Variants in GPC5 observed in about 807,000 individuals in gnomAD.
GPC5 encodes glypican-5.
Under a neutral mutation model 53.9 loss-of-function variants are expected in GPC5, and 47 were observed. The ratio of observed to expected loss-of-function variants is 0.87; its 90% CI spans 0.69 to 1.11. GPC5 has a LOEUF of 1.11. GPC5 is among the 50% of genes most tolerant of loss of function. The probability of loss-of-function intolerance (pLI) is 0.00; values close to 1 mark genes in which losing one functional copy is unlikely to be tolerated. For synonymous variants in GPC5, 286 were observed against 263.3 expected (o/e 1.09, Z -0.84); for missense variants, 748 against 713.1 (o/e 1.05, Z -0.56).
At chr13:91,844,797 C>T (rs1450363152) in intron 5 of GPC5, among the ~76,000 whole-genome samples, 1 of 152,086 alleles carries the variant, frequency 6.6e-6, no homozygotes, top group African/African-American at 2.4e-5. Context: ...GCTATCTCGG[C>T]TTGCTGCAAC....
intron 7 of GPC5, among the ~76,000 whole-genome samples, chr13:92,776,994 G>A (rs1049323898): frequency 3.2e-5 from 4 of 125,452 alleles, no homozygotes; most frequent in African/African-American, 9.0e-5. Context: ...CTGCACTCCA[G>A]TCTGGGCAAC....
intron 2 of GPC5, among the ~76,000 whole-genome samples, chr13:91,640,433 A>G (rs1365358347): frequency 6.6e-6 from 1 of 152,234 alleles, no homozygotes; most frequent in Admixed American, 6.5e-5. Context: ...TTGAGATACC[A>G]TCTCACGCCA....
At chr13:92,679,814 A>G (rs1487003209) in intron 7 of GPC5, among the ~76,000 whole-genome samples, 2 of 151,804 alleles carry the variant, frequency 1.3e-5, no homozygotes, top group Admixed American at 6.6e-5. Flanking sequence ...GCTCTCTCTC[A>G]TGCACTCTCT....
intron 7 of GPC5, among the ~76,000 whole-genome samples, chr13:92,576,164 TCATAA>T (rs1883184015): frequency 6.6e-6 from 1 of 152,218 alleles, no homozygotes. Context: ...TCTGTTCTCT[TCATAA>T]CATTAGTTTT....
intron 5 of GPC5, among the ~76,000 whole-genome samples, chr13:91,759,361 T>C (rs987969249): frequency 6.6e-6 from 1 of 152,154 alleles, no homozygotes; most frequent in African/African-American, 2.4e-5. Context: ...GCACTTATCA[T>C]TTCTTTATGT....
intron 7 of GPC5, among the ~76,000 whole-genome samples, chr13:92,565,475 G>A (rs1385805882): frequency 1.3e-5 from 2 of 152,020 alleles, no homozygotes; most frequent in Non-Finnish European, 1.5e-5. Flanking sequence ...CTTGGATGAC[G>A]TTGTCTCACA....
chr13:91,611,740 C>T (rs2033556325), intron 2 of GPC5, among the ~76,000 whole-genome samples: 1 of 152,122 alleles, frequency 6.6e-6, no homozygotes, highest in South Asian at 2.1e-4. Flanking sequence ...CCCTACAGTC[C>T]CTATGGCCAT....
intron 7 of GPC5, among the ~76,000 whole-genome samples, chr13:92,604,677 T>C (rs1884192143): frequency 6.6e-6 from 1 of 152,250 alleles, no homozygotes; most frequent in Non-Finnish European, 1.5e-5. Context: ...AAAATCACTT[T>C]TTAATGAGCA....
intron 7 of GPC5, among the ~76,000 whole-genome samples, chr13:92,154,947 A>G (rs1163094832): frequency 1.3e-5 from 2 of 152,220 alleles, no homozygotes; most frequent in Non-Finnish European, 2.9e-5. Flanking sequence ...TATGATTACT[A>G]AAATTAGCTA....
chr13:92,581,856 CT>C (rs1404014587), intron 7 of GPC5, among the ~76,000 whole-genome samples: 1 of 152,068 alleles, frequency 6.6e-6, no homozygotes, highest in Non-Finnish European at 1.5e-5. Context: ...ATTTTTATGA[CT>C]TCTTTTGAGA....
intron 5 of GPC5, among the ~76,000 whole-genome samples, chr13:91,826,391 A>C (rs2038577590): frequency 6.6e-6 from 1 of 152,140 alleles, no homozygotes; most frequent in Non-Finnish European, 1.5e-5. Flanking sequence ...TTCTATTGAA[A>C]GTATATTGCT....
At position 92,333,910 on chromosome 13, in the gene GPC5, C is replaced by A. The variant is rs558795701; in HGVS notation, c.1561+188921C>A. ...TAGACAACATGAAAGAACAGATGGGCAATTTAAACAGAGATAGAAATCCTA... is the reference window on the plus strand; with the variant it reads ...TAGACAACATGAAAGAACAGATGGGAAATTTAAACAGAGATAGAAATCCTA... On this transcript the variant is annotated intron_variant, in intron 7 of 7. Transcript: ENST00000377067. Among the ~76,000 whole-genome samples the A allele has an allele frequency of 3.9e-5, 6 of 151,954 alleles. No individual in the cohort carries two copies. In the South Asian group the frequency reaches 1.2e-3, roughly 32 times the overall value.
At chr13:92,762,009 C>G (rs572802900) in intron 7 of GPC5, among the ~76,000 whole-genome samples, 1 of 151,688 alleles carries the variant, frequency 6.6e-6, no homozygotes, top group East Asian at 1.9e-4. Context: ...CTGGATGTGC[C>G]TTAGAAGAAA....
At chr13:92,768,395 G>A (rs1875490990) in intron 7 of GPC5, among the ~76,000 whole-genome samples, 1 of 152,032 alleles carries the variant, frequency 6.6e-6, no homozygotes, top group South Asian at 2.1e-4. Context: ...TCCAGTGGCT[G>A]TTATATATTA....
At chr13:92,622,069 T>A (rs1035938623) in intron 7 of GPC5, among the ~76,000 whole-genome samples, 9 of 152,184 alleles carry the variant, frequency 5.9e-5, no homozygotes, top group African/African-American at 2.2e-4. Context: ...TTCCAACCCT[T>A]CCTGTTTGCC....
intron 7 of GPC5, among the ~76,000 whole-genome samples, chr13:92,454,541 C>G (rs182984903): frequency 6.6e-6 from 1 of 152,256 alleles, no homozygotes; most frequent in East Asian, 1.9e-4. Context: ...AATAAATGCT[C>G]AAAAATATTT....
chr13:92,817,521 G>C (rs1877518278), intron 7 of GPC5, among the ~76,000 whole-genome samples: 1 of 151,932 alleles, frequency 6.6e-6, no homozygotes, highest in African/African-American at 2.4e-5. Flanking sequence ...TAAAATATCA[G>C]CATCAATCAA....
chr13:92,580,734 C>T (rs1362162920), intron 7 of GPC5, among the ~76,000 whole-genome samples: 6 of 151,942 alleles, frequency 3.9e-5, no homozygotes, highest in Non-Finnish European at 7.4e-5. Flanking sequence ...CCAGATTTTG[C>T]GAGAATTCAC....
intron 5 of GPC5, among the ~76,000 whole-genome samples, chr13:91,898,681 CA>C (rs59566274): frequency 1.1e-4 from 16 of 149,358 alleles, no homozygotes; most frequent in African/African-American, 3.2e-4. Context: ...CAAAGACAGA[CA>C]AAAAAAAAAT....
Sources: gnomAD v4.1 joint callset for allele counts (sites outside exome capture counted in the v4.1 genomes callset) on GRCh38, gnomAD v4.1.1 for gene constraint, MANE v1.5 for transcripts, NCBI Gene and HGNC (gene_info 2026-07-23, HGNC 2026-07-21) for gene names.